The following CSMD2 variants were observed in gnomAD, a reference collection of about 807,000 sequenced individuals.
The protein encoded by CSMD2 is CUB and Sushi multiple domains 2, also known as CUB and sushi domain-containing protein 2.
A neutral mutation model predicts 398.5 loss-of-function variants in CSMD2; 130 were observed. The ratio of observed to expected loss-of-function variants is 0.33; its 90% CI spans 0.28 to 0.38. The LOEUF is 0.38. Among genes scored for constraint, CSMD2 ranks in the 10% least tolerant of loss-of-function variants. CSMD2 has a pLI of 1.00. For synonymous variants in CSMD2, 1,828 were observed against 1,908.5 expected (o/e 0.96, Z 1.10); for missense variants, 3,829 against 4,764.9 (o/e 0.80, Z 5.78).
At chr1:33,536,916 G>A (rs909481047) in intron 62 of CSMD2, 106 bp downstream of exon 62, 2 of 1,087,248 alleles carry the variant, frequency 1.8e-6, no homozygotes, top group East Asian at 2.4e-5. Flanking sequence ...CCAAGCTCTT[G>A]TCCTCCCTGA....
At chr1:34,016,809 T>C (rs78309078) in intron 3 of CSMD2, among the ~76,000 whole-genome samples, 1 of 97,096 alleles carries the variant, frequency 1.0e-5, no homozygotes, top group Non-Finnish European at 2.2e-5. Context: ...GATAGACAGA[T>C]AGAATGATTG....
At chr1:34,041,143 C>CATTT (rs1316307719) in intron 2 of CSMD2, among the ~76,000 whole-genome samples, 4 of 151,964 alleles carry the variant, frequency 2.6e-5, no homozygotes, top group Non-Finnish European at 4.4e-5. Context: ...ATAAATGGGC[C>CATTT]ATTTATTTAT....
chr1:33,733,727 C>T (rs945620901), intron 15 of CSMD2, among the ~76,000 whole-genome samples: 1 of 152,208 alleles, frequency 6.6e-6, no homozygotes, highest in African/African-American at 2.4e-5. Flanking sequence ...TCACTCTGTC[C>T]TGACGCCCTG....
intron 5 of CSMD2, among the ~76,000 whole-genome samples, chr1:33,861,982 C>T (rs377500986): frequency 3.3e-5 from 5 of 152,106 alleles, no homozygotes; most frequent in African/African-American, 1.2e-4. Flanking sequence ...AGATGGAAAC[C>T]AGAGGGTATG....
At chr1:34,062,641 C>G (rs1000964440) in intron 2 of CSMD2, among the ~76,000 whole-genome samples, 2 of 152,204 alleles carry the variant, frequency 1.3e-5, no homozygotes, top group African/African-American at 4.8e-5. Flanking sequence ...CAAGGGAGGA[C>G]AGGATGGCCA....
chr1:33,522,953 G>GTA (rs1654446335), intron 67 of CSMD2, among the ~76,000 whole-genome samples: 3 of 152,314 alleles, frequency 2.0e-5, no homozygotes, highest in Middle Eastern at 3.4e-3. Context: ...ATGTAGTCAT[G>GTA]TGAGACTCAC....
At chr1:33,791,362 C>G (rs868579945) in intron 11 of CSMD2, among the ~76,000 whole-genome samples, 2 of 152,318 alleles carry the variant, frequency 1.3e-5, no homozygotes, top group South Asian at 4.1e-4. Flanking sequence ...CATCCCAGTG[C>G]CTGGGAGCAT....
Position 34,142,277 on chromosome 1 carries a change from G to T in CSMD2, c.187+22634C>A, listed in dbSNP as rs899937898. Among the ~76,000 whole-genome samples, 4 of 152,138 alleles carry T rather than the reference G, an allele frequency of 2.6e-5. No homozygotes were observed. The East Asian group carries it at 7.8e-4, about 29-fold the overall frequency. On this transcript the variant is annotated intron_variant, in intron 1 of 70. Transcript: ENST00000373381. Reference sequence around the variant, plus strand: ...ATCTAATAACTACGAGCAAATGGGGGTACACTCATCCAGAGATGAACGGTC... The same window carrying T: ...ATCTAATAACTACGAGCAAATGGGGTTACACTCATCCAGAGATGAACGGTC...
At chr1:33,542,946 C>T (rs1191405918) in intron 57 of CSMD2, 50 bp from the exon 58 acceptor site, 1 of 1,542,938 alleles carries the variant, frequency 6.5e-7, no homozygotes, top group African/African-American at 1.4e-5. Flanking sequence ...GTGGGTATCA[C>T]CTAGGGGACT....
At chr1:33,694,224 A>G (rs1645340056) in intron 24 of CSMD2, among the ~76,000 whole-genome samples, 1 of 152,202 alleles carries the variant, frequency 6.6e-6, no homozygotes, top group African/African-American at 2.4e-5. Context: ...GACAGAAGGT[A>G]CGTTAGTGGT....
chr1:33,813,483 A>G (rs1273845963), intron 9 of CSMD2, among the ~76,000 whole-genome samples: 1 of 152,158 alleles, frequency 6.6e-6, no homozygotes, highest in Non-Finnish European at 1.5e-5. Context: ...CACTAAATGA[A>G]TGAACATATC....
intron 1 of CSMD2, among the ~76,000 whole-genome samples, chr1:34,103,970 T>C (rs1353846054): frequency 6.6e-6 from 1 of 152,218 alleles, no homozygotes; most frequent in Non-Finnish European, 1.5e-5. Context: ...CTTTAAGCCT[T>C]AGTTTTGACA....
Position 33,519,927 on chromosome 1 carries a change from G to T in CSMD2, c.10621C>A (p.Pro3541Thr). The T allele has an allele frequency of 6.2e-7, 1 of 1,614,176 alleles. No individual in the cohort carries two copies. Among genetic ancestry groups the T allele is most frequent in the Non-Finnish European group, 8.5e-7 (1 of 1,180,036 alleles). Residue 3541 changes from proline (P) to threonine (T), a missense_variant, in exon 69 of 71, where the codon CCC (proline) becomes ACC (threonine). Around this residue, in one of 5 missense-constraint regions of CSMD2, gnomAD observed 917 missense variants for 1,199.5 expected, o/e 0.76. Transcript: ENST00000373381. This position sits in a 1 kb window ranked among gnomAD's most constrained non-coding sequence, Gnocchi z 5.6. Reference protein sequence around the residue: ...RLDLRLLESDPESIGRHFASN... With the variant: ...RLDLRLLESDTESIGRHFASN... ...GCAAAGTGGCGGCCAATGGACTCGGGGTCTGACTCCAGCAGCCTGAGGTCT... is the reference window on the plus strand; with the variant it reads ...GCAAAGTGGCGGCCAATGGACTCGGTGTCTGACTCCAGCAGCCTGAGGTCT...
rs571663497 is a variant in CSMD2, at chr1:33,684,811, A to G, written c.4052+8119T>C. 4.6e-5 allele frequency among the ~76,000 whole-genome samples: 7 copies of G among 152,350 alleles called. No individual in the cohort carries two copies. The South Asian group carries it at 1.2e-3, about 27-fold the overall frequency. On this transcript the variant is annotated intron_variant, in intron 25 of 70. Transcript: ENST00000373381. Reference sequence around the variant, plus strand: ...TCCCTGTAGTCCACCCCCAACTGCCATACAGAATTATGATCTGTCCTCGCA... The same window carrying G: ...TCCCTGTAGTCCACCCCCAACTGCCGTACAGAATTATGATCTGTCCTCGCA...
Position 33,533,924 on chromosome 1 carries a change from AG to A in CSMD2, c.9880-18del. On this transcript the variant is annotated intron_variant, in intron 62 of 70. Coordinates refer to ENST00000373381, the MANE Select transcript of CSMD2 (RefSeq NM_001281956.2). This position sits in a 1 kb window ranked among gnomAD's most constrained non-coding sequence, Gnocchi z 4.2. ...GCTTCCAACCTGCGGCAAGATACAA[AG>A]TCCCATCAGCCCCTTCCTTTCAGCG... 6.5e-7 allele frequency: 1 copy of A among 1,531,728 alleles called. No homozygotes were observed. The highest frequency in any genetic ancestry group is 9.0e-7 in the Non-Finnish European group (1 of 1,105,382). 94.9% of individuals were successfully genotyped at this position (1,531,728 alleles called of 1,614,324 possible). A position where few individuals can be genotyped will look rare whatever the true frequency, so the allele number is the denominator to read the frequency against.
intron 3 of CSMD2, among the ~76,000 whole-genome samples, chr1:33,954,933 C>G (rs562487571): frequency 7.9e-5 from 12 of 152,222 alleles, no homozygotes; most frequent in African/African-American, 2.6e-4. Context: ...TGCCAATGAA[C>G]TAACTCCACA....
At chr1:34,103,338 A>G (rs537748387) in intron 1 of CSMD2, among the ~76,000 whole-genome samples, 65 of 135,418 alleles carry the variant, frequency 4.8e-4, no homozygotes, top group African/African-American at 1.6e-3. Flanking sequence ...TCGCTCTGTC[A>G]ACCAGGCTGG....
At position 33,571,661 on chromosome 1, in the gene CSMD2, T is replaced by G. The variant is rs765477684; in HGVS notation, c.7828A>C (p.Thr2610Pro). The G allele has an allele frequency of 8.9e-5, 140 of 1,581,378 alleles. No homozygotes were observed. Among genetic ancestry groups the G allele is most frequent in the Non-Finnish European group, 1.2e-4 (134 of 1,158,502 alleles). Residue 2610 changes from threonine (T) to proline (P), a missense_variant, in exon 51 of 71, where the codon ACA (threonine) becomes CCA (proline). Transcript: ENST00000373381. ...EHGRWRLIFE[T>P]QYQFQAQLML... is the part of the protein sequence containing the mutation. ...AGCTGGGCCTGGAACTGATACTGTG[T>G]CTCAAAGATAAGCCTCCATCGGCCA... is the stretch of plus-strand genomic sequence containing the variant.
intron 16 of CSMD2, among the ~76,000 whole-genome samples, chr1:33,726,343 CAT>C (rs1646529217): frequency 6.6e-6 from 1 of 152,192 alleles, no homozygotes; most frequent in African/African-American, 2.4e-5. Flanking sequence ...CCCCTCCTGC[CAT>C]AGTCCCCTAA....
Sources: allele counts gnomAD v4.1 joint callset (sites outside exome capture counted in the v4.1 genomes callset), GRCh38; gene constraint gnomAD v4.1.1; regional missense constraint gnomAD v4.1.1; non-coding constraint Gnocchi (gnomAD v3.1); transcripts MANE v1.5; gene names NCBI Gene and HGNC (gene_info 2026-07-23, HGNC 2026-07-21).